Variants in ZNG1E observed in about 807,000 individuals in gnomAD.
The protein encoded by ZNG1E is Zn regulated GTPase metalloprotein activator 1E.
the ZNG1E span, among the ~76,000 whole-genome samples, chr9:65,678,111 T>TC: frequency 3.4e-5 from 5 of 148,654 alleles, no homozygotes; most frequent in East Asian, 3.9e-4. Context: ...TTTTTTTTTT[T>TC]CATAATATGG....
At chr9:65,660,520 A>C in the ZNG1E span, among the ~76,000 whole-genome samples, 1 of 152,218 alleles carries the variant, frequency 6.6e-6, no homozygotes, top group Admixed American at 6.5e-5. Flanking sequence ...GTGGGGAGAT[A>C]GAAATGGTAG....
the ZNG1E span, among the ~76,000 whole-genome samples, chr9:65,684,784 G>T: frequency 2.0e-5 from 3 of 152,206 alleles, no homozygotes; most frequent in African/African-American, 7.2e-5. Flanking sequence ...TTCTTATACT[G>T]TACAGCCATA....
chr9:65,710,031 T>G, the ZNG1E span, among the ~76,000 whole-genome samples: 1 of 146,992 alleles, frequency 6.8e-6, no homozygotes. Context: ...TCCTGACTTT[T>G]TAATGATTGC....
the ZNG1E span, chr9:65,676,998 G>A: frequency 2.1e-5 from 11 of 531,122 alleles, no homozygotes; most frequent in South Asian, 1.8e-4. Flanking sequence ...GGGCCACTTC[G>A]TGACCTTTTA....
the ZNG1E span, among the ~76,000 whole-genome samples, chr9:65,714,102 C>T: frequency 6.7e-6 from 1 of 149,392 alleles, no homozygotes; most frequent in Non-Finnish European, 1.5e-5. Context: ...TCATTTCATT[C>T]ATTTCATCTT....
chr9:65,691,238 G>A, the ZNG1E span, among the ~76,000 whole-genome samples: 1 of 148,860 alleles, frequency 6.7e-6, no homozygotes, highest in Non-Finnish European at 1.5e-5. Context: ...GTGCACCATC[G>A]TACCTGGTTA....
At chr9:65,711,213 G>C in the ZNG1E span, among the ~76,000 whole-genome samples, 26 of 102,486 alleles carry the variant, frequency 2.5e-4, no homozygotes, top group Non-Finnish European at 4.1e-4. Context: ...TGTATCCTGA[G>C]ACTTTGCTGA....
the ZNG1E span, among the ~76,000 whole-genome samples, chr9:65,717,654 A>G: frequency 6.7e-6 from 1 of 149,538 alleles, no homozygotes; most frequent in Non-Finnish European, 1.5e-5. Flanking sequence ...AGGGGAACAA[A>G]TGAAACAATG....
the ZNG1E span, among the ~76,000 whole-genome samples, chr9:65,685,826 A>G: frequency 1.3e-5 from 2 of 152,230 alleles, no homozygotes; most frequent in Admixed American, 1.3e-4. Flanking sequence ...CCATCAGAGG[A>G]ATCACTATCT....
the ZNG1E span, among the ~76,000 whole-genome samples, chr9:65,673,859 C>T: frequency 6.6e-6 from 1 of 152,296 alleles, no homozygotes; most frequent in African/African-American, 2.4e-5. Flanking sequence ...ATATTGGGAA[C>T]CCACAAGAAT....
chr9:65,714,547 T>C, the ZNG1E span, among the ~76,000 whole-genome samples: 556 of 151,408 alleles, frequency 3.7e-3, 2 homozygotes, highest in African/African-American at 0.013. Context: ...GATGGTGATG[T>C]ACAGATGGGT....
chr9:65,659,513 AAGAG>A, the ZNG1E span, among the ~76,000 whole-genome samples: 1 of 148,102 alleles, frequency 6.8e-6, no homozygotes, highest in Admixed American at 6.8e-5. Context: ...AAAAAAAAAA[AAGAG>A]AGAGAAAAGA....
chr9:65,669,645 G>A, the ZNG1E span, among the ~76,000 whole-genome samples: 1 of 149,492 alleles, frequency 6.7e-6, no homozygotes, highest in Non-Finnish European at 1.5e-5. Context: ...TAAATTTCAT[G>A]GCAAGCTGAC....
the ZNG1E span, among the ~76,000 whole-genome samples, chr9:65,661,304 GACA>G: frequency 7.9e-3 from 1,165 of 146,928 alleles, no homozygotes; most frequent in Non-Finnish European, 0.012. Flanking sequence ...AAAACAAAAT[GACA>G]ACAAGAAAAA....
At chr9:65,658,217 G>A in the ZNG1E span, among the ~76,000 whole-genome samples, 125 of 2,870 alleles carry the variant, frequency 0.044, 1 homozygote, top group Non-Finnish European at 0.11. Flanking sequence ...CCACAGAGGC[G>A]TAAGAGGAGA....
chr9:65,660,589 T>C, the ZNG1E span, among the ~76,000 whole-genome samples: 2 of 152,168 alleles, frequency 1.3e-5, no homozygotes, highest in East Asian at 1.9e-4. Flanking sequence ...TTAGTGAGCT[T>C]TACTTTACTA....
chr9:65,722,697 A>ATTTTTGTTT, the ZNG1E span, among the ~76,000 whole-genome samples: 2 of 8,396 alleles, frequency 2.4e-4, no homozygotes, highest in African/African-American at 4.9e-4. Context: ...TGCCTAGCTA[A>ATTTTTGTTT]TTTTTTTTTT....
the ZNG1E span, among the ~76,000 whole-genome samples, chr9:65,664,293 A>G: frequency 6.6e-6 from 1 of 151,146 alleles, no homozygotes; most frequent in Non-Finnish European, 1.5e-5. Flanking sequence ...TCCCCACCCA[A>G]ATCTCATCTT....
chr9:65,709,298 T>C, the ZNG1E span, among the ~76,000 whole-genome samples: 1 of 150,860 alleles, frequency 6.6e-6, no homozygotes, highest in Admixed American at 6.6e-5. Context: ...CAAATAACTC[T>C]CTTCACTTTA....
Sources: gnomAD v4.1 joint callset for allele counts (sites outside exome capture counted in the v4.1 genomes callset) on GRCh38, gnomAD v4.1.1 for gene constraint, MANE v1.5 for transcripts, NCBI Gene and HGNC (gene_info 2026-07-23, HGNC 2026-07-21) for gene names.